Variants in PDE4D observed in about 807,000 individuals in gnomAD.
PDE4D encodes phosphodiesterase 4D, also known as 3',5'-cyclic-AMP phosphodiesterase 4D.
In PDE4D, 24 loss-of-function variants were observed where a neutral mutation model predicts 87.4. The observed-to-expected ratio is 0.27, with a 90% CI of 0.20 to 0.39. The LOEUF (loss-of-function observed/expected upper bound fraction) is 0.39, where lower values mean the gene tolerates loss of function less well. PDE4D is among the 10% of genes least tolerant of loss of function. The pLI is 1.00. For missense variants in PDE4D, 714 were observed against 1,041.0 expected (o/e 0.69, Z 4.32); for synonymous variants, 384 against 383.2 (o/e 1.00, Z -0.02).
intron 1 of PDE4D, among the ~76,000 whole-genome samples, chr5:59,488,452 T>A (rs1805565448): frequency 6.6e-6 from 1 of 152,200 alleles, no homozygotes; most frequent in Admixed American, 6.5e-5. Context: ...AAATACGCAT[T>A]TGAAATACCA....
At chr5:59,101,064 C>T (rs1331355489) in intron 5 of PDE4D, among the ~76,000 whole-genome samples, 3 of 152,146 alleles carry the variant, frequency 2.0e-5, no homozygotes, top group Admixed American at 6.5e-5. Context: ...CAGCCTTGGA[C>T]TCCAAGAGTT....
chr5:59,805,119 A>G (rs536322097), intron 1 of PDE4D, among the ~76,000 whole-genome samples: 1 of 152,300 alleles, frequency 6.6e-6, no homozygotes, highest in South Asian at 2.1e-4. Flanking sequence ...TCTACAATAC[A>G]TTTGAAACAG....
chr5:59,575,816 C>T (rs887376439), intron 1 of PDE4D, among the ~76,000 whole-genome samples: 5 of 152,108 alleles, frequency 3.3e-5, no homozygotes, highest in Non-Finnish European at 1.5e-5. Context: ...GTAAGACAGT[C>T]ATAAACAGAA....
chr5:59,516,769 A>G (rs1811232070), intron 1 of PDE4D, among the ~76,000 whole-genome samples: 1 of 152,202 alleles, frequency 6.6e-6, no homozygotes, highest in African/African-American at 2.4e-5. Context: ...GCTTAAATGT[A>G]TTATCAGGGA....
At chr5:59,620,005 T>C (rs944730493) in intron 1 of PDE4D, among the ~76,000 whole-genome samples, 2 of 152,148 alleles carry the variant, frequency 1.3e-5, no homozygotes, top group African/African-American at 4.8e-5. Context: ...TGGCTAAAGC[T>C]GGTGATCCAA....
At chr5:59,969,553 A>G (rs1472987951) in intron 3 of PDE4D, among the ~76,000 whole-genome samples, 1 of 152,054 alleles carries the variant, frequency 6.6e-6, no homozygotes, top group African/African-American at 2.4e-5. Context: ...TTGTCTCTGA[A>G]ATACTTCTTG....
intron 5 of PDE4D, among the ~76,000 whole-genome samples, chr5:59,118,778 C>T (rs1024363607): frequency 6.6e-5 from 10 of 152,196 alleles, no homozygotes; most frequent in Admixed American, 2.0e-4. Context: ...ATGGCAGACG[C>T]ACCACAATTC....
rs145343851 is a variant in PDE4D at position 59,699,224 on chromosome 5, T to C, written c.455+193944A>G. ...ACACAGAAGCAGGTATGTTAAATTA[T>C]CAAATTGAATTTGAGAGGGGAGAAA... On this transcript the variant is annotated intron_variant, in intron 1 of 14. Coordinates refer to ENST00000340635, the MANE Select transcript of PDE4D (RefSeq NM_001104631.2). Among the ~76,000 whole-genome samples, 913 of 152,290 alleles carry C rather than the reference T, an allele frequency of 6.0e-3. 9 individuals are homozygous for C. The highest frequency in any genetic ancestry group is 0.021 in the African/African-American group (872 of 41,572).
rs537310064 is a variant in PDE4D at position 59,411,080 on chromosome 5, G to A, written c.456-195112C>T. 3.5e-4 allele frequency among the ~76,000 whole-genome samples: 54 copies of A among 152,288 alleles called. No homozygotes were observed. The South Asian group carries it at 0.011, about 30-fold the overall frequency. On this transcript the variant is annotated intron_variant, in intron 1 of 14. Transcript: ENST00000340635. ...CACTGGTCTCCTAGCTGAGCAGGGT[G>A]AGAGGAGAACCTATGGAGGACTCCC...
chr5:60,153,499 A>G (rs1258841665), intron 2 of PDE4D, among the ~76,000 whole-genome samples: 1 of 152,228 alleles, frequency 6.6e-6, no homozygotes, highest in East Asian at 1.9e-4. Context: ...CTACCATATG[A>G]TCTGGAATTT....
intron 1 of PDE4D, among the ~76,000 whole-genome samples, chr5:59,749,803 A>C (rs541945648): frequency 4.7e-4 from 72 of 152,156 alleles, no homozygotes; most frequent in South Asian, 1.0e-3. Context: ...TCTGTGCTCC[A>C]AACTTCAGAC....
chr5:59,450,797 G>C (rs750335803), intron 1 of PDE4D, among the ~76,000 whole-genome samples: 2 of 151,932 alleles, frequency 1.3e-5, no homozygotes, highest in Non-Finnish European at 2.9e-5. Context: ...TTACCAACTC[G>C]GGCAAATCCT....
Position 59,681,826 on chromosome 5 carries a change from G to A in PDE4D, c.455+211342C>T, listed in dbSNP as rs541606019. Among the ~76,000 whole-genome samples, 310 of 151,294 alleles carry A rather than the reference G, an allele frequency of 2.0e-3. 3 individuals are homozygous for A. Among genetic ancestry groups the A allele is most frequent in the South Asian group, 0.016 (75 of 4,752 alleles). On this transcript the variant is annotated intron_variant, in intron 1 of 14. Coordinates refer to ENST00000340635, the MANE Select transcript of PDE4D (RefSeq NM_001104631.2). ...ACTGAGGCAGGAGAATGGCGAACCC[G>A]GGAGGTGGAGGTTGCAGTGAGCCGA...
At chr5:60,378,889 G>T (rs1761640491) in intron 1 of PDE4D, among the ~76,000 whole-genome samples, 1 of 151,928 alleles carries the variant, frequency 6.6e-6, no homozygotes, top group Non-Finnish European at 1.5e-5. Context: ...GAAAGAGAGA[G>T]AGAGAGAGAA....
chr5:59,948,658 T>C (rs1284659947), intron 3 of PDE4D, among the ~76,000 whole-genome samples: 1 of 152,218 alleles, frequency 6.6e-6, no homozygotes, highest in African/African-American at 2.4e-5. Context: ...TATTAGAACC[T>C]ATGGTTGATG....
intron 1 of PDE4D, among the ~76,000 whole-genome samples, chr5:60,209,415 T>G (rs1454552069): frequency 6.6e-6 from 1 of 152,226 alleles, no homozygotes; most frequent in African/African-American, 2.4e-5. Flanking sequence ...AGCTTCCTGT[T>G]GGCAATTCTG....
intron 1 of PDE4D, among the ~76,000 whole-genome samples, chr5:59,620,848 T>C (rs914257440): frequency 6.6e-6 from 1 of 152,148 alleles, no homozygotes; most frequent in African/African-American, 2.4e-5. Context: ...AGTATTGAGA[T>C]GAAGAGAATG....
intron 1 of PDE4D, among the ~76,000 whole-genome samples, chr5:59,308,376 T>G (rs1214718172): frequency 6.6e-6 from 1 of 152,136 alleles, no homozygotes; most frequent in Non-Finnish European, 1.5e-5. Flanking sequence ...TTTCCAGGAT[T>G]TGTTTCAAGA....
chr5:59,134,215 G>A (rs1166056722), intron 5 of PDE4D, among the ~76,000 whole-genome samples: 1 of 147,326 alleles, frequency 6.8e-6, no homozygotes, highest in Non-Finnish European at 1.5e-5. Context: ...GAGGCAACTA[G>A]ATACAGTACA....
Sources: gnomAD v4.1 joint callset for allele counts (sites outside exome capture counted in the v4.1 genomes callset) on GRCh38, gnomAD v4.1.1 for gene constraint, MANE v1.5 for transcripts, NCBI Gene and HGNC (gene_info 2026-07-23, HGNC 2026-07-21) for gene names.